ATAD2: variants seen among roughly 807,000 people sequenced by gnomAD.
ATAD2 encodes the protein ATPase family AAA domain containing 2, also known as ATPase family AAA domain-containing protein 2.
In ATAD2, 62 loss-of-function variants were observed where a neutral mutation model predicts 168.9. That is an observed-to-expected ratio of 0.37 (90% confidence interval 0.30 to 0.45). ATAD2 has a LOEUF of 0.45. Ranked by LOEUF, ATAD2 falls within the 20% of genes least tolerant of loss-of-function variation. ATAD2 has a pLI of 1.00. For missense variants in ATAD2, 1,419 were observed against 1,667.8 expected (o/e 0.85, Z 2.60); for synonymous variants, 613 against 571.6 (o/e 1.07, Z -1.03).
intron 2 of ATAD2, among the ~76,000 whole-genome samples, chr8:123,378,729 A>G (rs1421867164): frequency 1.4e-5 from 2 of 143,560 alleles, no homozygotes; most frequent in Non-Finnish European, 3.1e-5. Flanking sequence ...AAAAAAATCA[A>G]AATTCCATTT....
At chr8:123,364,058 A>G (rs992721548) in intron 8 of ATAD2, among the ~76,000 whole-genome samples, 1 of 152,212 alleles carries the variant, frequency 6.6e-6, no homozygotes, top group Non-Finnish European at 1.5e-5. Flanking sequence ...TTTGATTTGC[A>G]AAATGGAGAT....
intron 10 of ATAD2, 53 bp downstream of exon 10, chr8:123,359,518 TTAAAAC>T (rs1828747812): frequency 2.7e-6 from 4 of 1,478,116 alleles, no homozygotes; most frequent in East Asian, 2.3e-5. Context: ...TTTTTTAACT[TTAAAAC>T]TAAAACAAAG....
At chr8:123,413,474 G>T (rs1813191882) in intron 1 of ATAD2, among the ~76,000 whole-genome samples, 1 of 152,138 alleles carries the variant, frequency 6.6e-6, no homozygotes, top group Non-Finnish European at 1.5e-5. Flanking sequence ...GCACCCATTA[G>T]ATAAGCACTC....
intron 1 of ATAD2, among the ~76,000 whole-genome samples, chr8:123,389,423 A>C (rs1166212661): frequency 6.7e-6 from 1 of 149,370 alleles, no homozygotes; most frequent in Admixed American, 6.7e-5. Flanking sequence ...GCGGATCACG[A>C]AGTCGGGAGA....
chr8:123,377,018 G>A (rs773669231), intron 2 of ATAD2, among the ~76,000 whole-genome samples: 66 of 149,198 alleles, frequency 4.4e-4, no homozygotes, highest in African/African-American at 1.4e-3. Context: ...TTGAAGCCAG[G>A]GGGCGGAGGT....
chr8:123,363,973 T>C (rs1419497856), intron 8 of ATAD2, among the ~76,000 whole-genome samples: 1 of 152,202 alleles, frequency 6.6e-6, no homozygotes, highest in Non-Finnish European at 1.5e-5. Context: ...GATTTCCAGT[T>C]TTTTAATTTC....
intron 1 of ATAD2, among the ~76,000 whole-genome samples, chr8:123,407,894 T>C (rs1409703681): frequency 6.6e-6 from 1 of 151,608 alleles, no homozygotes; most frequent in Non-Finnish European, 1.5e-5. Flanking sequence ...TGGTAACCCC[T>C]AATTGCTTCA....
intron 27 of ATAD2, 82 bp from the exon 28 acceptor site, chr8:123,321,257 C>A: frequency 8.3e-7 from 1 of 1,200,316 alleles, no homozygotes. Flanking sequence ...TTTCAGTAAA[C>A]AACCTTAAGA....
intron 8 of ATAD2, among the ~76,000 whole-genome samples, chr8:123,368,084 C>A (rs1398870431): frequency 6.6e-6 from 1 of 152,070 alleles, no homozygotes; most frequent in East Asian, 1.9e-4. Context: ...CATGAACTAC[C>A]AAAATGATTA....
At chr8:123,359,763 C>A in intron 9 of ATAD2, 78 bp from the exon 10 acceptor site, 4 of 946,748 alleles carry the variant, frequency 4.2e-6, no homozygotes, top group South Asian at 3.3e-5. Flanking sequence ...TGAATATAAA[C>A]ATTTAAGTTA....
chr8:123,389,640 A>AAAAAC (rs150555733), intron 1 of ATAD2, among the ~76,000 whole-genome samples: 3,563 of 151,018 alleles, frequency 0.024, 142 homozygotes, highest in African/African-American at 0.083. Flanking sequence ...GCTCCGTCTC[A>AAAAAC]AAAACAAAAC....
chr8:123,396,044 A>G (rs1038626870), intron 1 of ATAD2, 143 bp downstream of exon 1: 17 of 1,006,104 alleles, frequency 1.7e-5, no homozygotes, highest in South Asian at 3.5e-5. Context: ...GAGAGCTTCC[A>G]TTTTACTCGT....
intron 21 of ATAD2, among the ~76,000 whole-genome samples, chr8:123,336,806 A>T (rs1271745330): frequency 6.6e-6 from 1 of 152,002 alleles, no homozygotes; most frequent in Non-Finnish European, 1.5e-5. Flanking sequence ...TCCAATTGCC[A>T]CCCATCCTTC....
intron 18 of ATAD2, among the ~76,000 whole-genome samples, chr8:123,345,537 T>C (rs972551767): frequency 5.5e-5 from 8 of 144,534 alleles, no homozygotes; most frequent in Non-Finnish European, 1.1e-4. Context: ...ATTAGCTGGG[T>C]GTGGCGGCAT....
chr8:123,385,216 A>G (rs1487673417), intron 1 of ATAD2, among the ~76,000 whole-genome samples: 1 of 152,182 alleles, frequency 6.6e-6, no homozygotes, highest in Non-Finnish European at 1.5e-5. Flanking sequence ...TCTTACATAT[A>G]GTAGACATTT....
intron 13 of ATAD2, among the ~76,000 whole-genome samples, chr8:123,350,628 G>A (rs1325401725): frequency 1.3e-5 from 2 of 151,904 alleles, no homozygotes; most frequent in African/African-American, 2.4e-5. Context: ...TCCTTCCCAC[G>A]TTCTGGACTG....
At chr8:123,383,275 CA>C (rs1234826716) in intron 1 of ATAD2, among the ~76,000 whole-genome samples, 1 of 152,028 alleles carries the variant, frequency 6.6e-6, no homozygotes, top group Non-Finnish European at 1.5e-5. Flanking sequence ...AGCAAACCAC[CA>C]TGGCACATAT....
At chr8:123,370,852 A>T in intron 6 of ATAD2, 51 bp downstream of exon 6, 2 of 1,394,468 alleles carry the variant, frequency 1.4e-6, no homozygotes, top group Admixed American at 2.3e-5. Context: ...TCTACTAAAT[A>T]AAAAGTTCTT....
chr8:123,328,776 A>G (rs1020416868), intron 24 of ATAD2, among the ~76,000 whole-genome samples, 197 bp from the exon 25 acceptor site: 5 of 150,898 alleles, frequency 3.3e-5, no homozygotes, highest in Non-Finnish European at 5.9e-5. Flanking sequence ...AAAATGGTAA[A>G]AAATTTTGAT....
Sources: gnomAD v4.1 joint callset for allele counts (sites outside exome capture counted in the v4.1 genomes callset) on GRCh38, gnomAD v4.1.1 for gene constraint, MANE v1.5 for transcripts, NCBI Gene and HGNC (gene_info 2026-07-23, HGNC 2026-07-21) for gene names.